Variants in DNAAF11 observed in about 807,000 individuals in gnomAD.
The protein encoded by DNAAF11 is dynein axonemal assembly factor 11, also known as leucine rich repeat containing 6.
In DNAAF11, 45 loss-of-function variants were observed where a neutral mutation model predicts 60.8. That is an observed-to-expected ratio of 0.74 (90% CI 0.58 to 0.95). The LOEUF is 0.95. Ranked by LOEUF, DNAAF11 falls within the 40% of genes least tolerant of loss-of-function variation. The pLI, the probability that DNAAF11 is intolerant of heterozygous loss-of-function variation, is 0.00. For synonymous variants in DNAAF11, 191 were observed against 183.5 expected (o/e 1.04, Z -0.33); for missense variants, 546 against 546.2 (o/e 1.00, Z 0.00).
the DNAAF11 span, among the ~76,000 whole-genome samples, chr8:132,701,443 T>C: frequency 6.6e-6 from 1 of 152,264 alleles, no homozygotes; most frequent in East Asian, 1.9e-4. Context: ...TGCAGTGAAG[T>C]ACAGAGGATG....
At chr8:132,626,178 A>G (rs1820263425) in intron 5 of DNAAF11, among the ~76,000 whole-genome samples, 1 of 151,814 alleles carries the variant, frequency 6.6e-6, no homozygotes, top group Non-Finnish European at 1.5e-5. Context: ...CAGCCTCCTG[A>G]GTAGCTGGGA....
At chr8:132,619,404 T>A (rs1361787931) in intron 7 of DNAAF11, among the ~76,000 whole-genome samples, 1 of 152,032 alleles carries the variant, frequency 6.6e-6, no homozygotes, top group Admixed American at 6.6e-5. Context: ...CATATGTAAC[T>A]GACCTGCACA....
the DNAAF11 span, among the ~76,000 whole-genome samples, chr8:132,689,859 C>T: frequency 3.6e-3 from 553 of 152,122 alleles, 4 homozygotes; most frequent in African/African-American, 0.013. Context: ...ACTATAGGCT[C>T]GCACCATTGC....
chr8:132,671,127 A>G (rs1270592612), intron 1 of DNAAF11, among the ~76,000 whole-genome samples: 1 of 152,230 alleles, frequency 6.6e-6, no homozygotes, highest in Non-Finnish European at 1.5e-5. Context: ...GTGGTAGAGA[A>G]GTAGAATTAT....
At chr8:132,683,321 C>A in the DNAAF11 span, among the ~76,000 whole-genome samples, 1 of 152,068 alleles carries the variant, frequency 6.6e-6, no homozygotes, top group African/African-American at 2.4e-5. Flanking sequence ...ACACATGAAC[C>A]CAGCTCATGA....
the DNAAF11 span, among the ~76,000 whole-genome samples, chr8:132,690,820 T>G: frequency 1.3e-5 from 2 of 152,188 alleles, no homozygotes. Flanking sequence ...TTGACTGCTG[T>G]GTTTCTTGTG....
intron 4 of DNAAF11, among the ~76,000 whole-genome samples, chr8:132,636,033 T>C (rs957716190): frequency 2.0e-5 from 3 of 151,744 alleles, no homozygotes; most frequent in Admixed American, 1.3e-4. Context: ...CCTTCAGAAC[T>C]ACAAGATGAT....
intron 7 of DNAAF11, among the ~76,000 whole-genome samples, chr8:132,618,546 C>T (rs1384185687): frequency 8.5e-6 from 1 of 117,396 alleles, no homozygotes; most frequent in South Asian, 3.4e-4. Context: ...GCAACCTACT[C>T]ATCTGACAAA....
intron 3 of DNAAF11, among the ~76,000 whole-genome samples, chr8:132,642,600 G>A (rs1381970796): frequency 3.9e-5 from 6 of 152,342 alleles, no homozygotes; most frequent in African/African-American, 1.4e-4. Flanking sequence ...CACGCTCAGA[G>A]ACCCTAAGCC....
chr8:132,577,957 A>G (rs1239236780), intron 11 of DNAAF11, among the ~76,000 whole-genome samples: 1 of 152,172 alleles, frequency 6.6e-6, no homozygotes, highest in Non-Finnish European at 1.5e-5. Flanking sequence ...GTGAGCCACC[A>G]TGCCTGGCCA....
At chr8:132,685,766 T>C in the DNAAF11 span, among the ~76,000 whole-genome samples, 88,458 of 152,084 alleles carry the variant, frequency 0.58, 28,093 homozygotes, top group African/African-American at 0.86. Flanking sequence ...CTACTTTTAA[T>C]CTAATTTTCC....
chr8:132,613,952 CCAT>C (rs1818905655), intron 8 of DNAAF11, among the ~76,000 whole-genome samples: 1 of 150,948 alleles, frequency 6.6e-6, no homozygotes, highest in Non-Finnish European at 1.5e-5. Context: ...TGTCATACTC[CCAT>C]CATCAGTATT....
chr8:132,635,448 G>T (rs1821198357), intron 4 of DNAAF11, among the ~76,000 whole-genome samples: 1 of 152,158 alleles, frequency 6.6e-6, no homozygotes, highest in Admixed American at 6.5e-5. Context: ...GGAAGCAGGG[G>T]TCAGACCTTG....
chr8:132,603,682 G>A (rs182330084), intron 10 of DNAAF11, among the ~76,000 whole-genome samples: 2 of 151,984 alleles, frequency 1.3e-5, no homozygotes, highest in African/African-American at 4.8e-5. Context: ...AAATAGAGGC[G>A]TCTTTTTTAA....
intron 5 of DNAAF11, among the ~76,000 whole-genome samples, chr8:132,631,313 T>C (rs1417919576): frequency 1.3e-5 from 2 of 152,198 alleles, no homozygotes; most frequent in East Asian, 1.9e-4. Flanking sequence ...CATGTGTTGT[T>C]AGAGCCGCTG....
rs903308233 is a variant in DNAAF11 at position 132,572,050 on chromosome 8, A to G, written c.*256T>C. 1 of 346,086 alleles carries G rather than the reference A, an allele frequency of 2.9e-6. No homozygotes were observed. Among genetic ancestry groups the G allele is most frequent in the Non-Finnish European group, 5.2e-6 (1 of 193,478 alleles). 21.4% of individuals were successfully genotyped at this position (346,086 alleles called of 1,614,324 possible). A position where few individuals can be genotyped will look rare whatever the true frequency, so the allele number is the denominator to read the frequency against. On this transcript the variant is annotated 3_prime_UTR_variant, in exon 12 of 12. Transcript: ENST00000620350. The stretch of plus-strand genomic sequence containing the variant: ...ATTTATAATCAGTGTTTTATGCAAT[A>G]GTTCTATGATCTTACTAAACATTTT...
At chr8:132,599,613 G>T (rs1309856061) in intron 10 of DNAAF11, among the ~76,000 whole-genome samples, 1 of 152,122 alleles carries the variant, frequency 6.6e-6, no homozygotes, top group Non-Finnish European at 1.5e-5. Flanking sequence ...TGCAAGGCTG[G>T]TTCAACATAT....
chr8:132,651,783 T>C (rs888181010), intron 3 of DNAAF11, among the ~76,000 whole-genome samples: 2 of 152,208 alleles, frequency 1.3e-5, no homozygotes, highest in Admixed American at 1.3e-4. Context: ...AGAAACTTCA[T>C]TACCACAAAA....
At chr8:132,660,262 A>C (rs1261565025) in intron 2 of DNAAF11, among the ~76,000 whole-genome samples, 1 of 152,050 alleles carries the variant, frequency 6.6e-6, no homozygotes, top group East Asian at 1.9e-4. Context: ...GTTTTAGGGT[A>C]CATGTGCACA....
Sources: gnomAD v4.1 joint callset for allele counts (sites outside exome capture counted in the v4.1 genomes callset) on GRCh38, gnomAD v4.1.1 for gene constraint, MANE v1.5 for transcripts, NCBI Gene and HGNC (gene_info 2026-07-23, HGNC 2026-07-21) for gene names.